Variants in USP54 observed in about 807,000 individuals in gnomAD.
USP54 encodes ubiquitin carboxyl-terminal hydrolase 54.
A neutral mutation model predicts 170.5 loss-of-function variants in USP54; 87 were observed. The ratio of observed to expected loss-of-function variants is 0.51; its 90% CI spans 0.43 to 0.61. USP54 has a LOEUF of 0.61. USP54 is among the 20% of genes least tolerant of loss of function. The pLI, the probability that USP54 is intolerant of heterozygous loss-of-function variation, is 0.00. For missense variants in USP54, 1,786 were observed against 2,047.8 expected, an observed-to-expected ratio of 0.87 and a Z score of 2.47; for synonymous variants, 655 against 742.8, an observed-to-expected ratio of 0.88 and a Z score of 1.92.
At chr10:73,555,116 A>C (rs573152525) in intron 4 of USP54, among the ~76,000 whole-genome samples, 36 of 152,342 alleles carry the variant, frequency 2.4e-4, no homozygotes, top group African/African-American at 7.9e-4. Flanking sequence ...AAATAACTAA[A>C]TAAATAATAA....
chr10:73,508,268 G>A (rs1201929822), intron 20 of USP54, among the ~76,000 whole-genome samples: 1 of 151,884 alleles, frequency 6.6e-6, no homozygotes, highest in Admixed American at 6.6e-5. Flanking sequence ...TCAGCTGGGT[G>A]CGGTGGTGTG....
In USP54 at chr10:73,516,486, G is replaced by GC; in HGVS notation, c.3939dup (p.Gln1314AlafsTer35). ...AGAGACTCCAATTCTGAGGTCTCCT[G>GC]CTCTGTGTCTTGGTTCCAATGTGGA... is the stretch of plus-strand genomic sequence containing the variant. On this transcript the variant is annotated frameshift_variant, in exon 20 of 24. Coordinates refer to ENST00000687698, the MANE Select transcript of USP54 (RefSeq NM_001391956.1). LOFTEE classifies it high-confidence loss of function. 1.2e-6 allele frequency: 2 copies of GC among 1,614,176 alleles called. No homozygotes were observed. The highest frequency in any genetic ancestry group is 1.7e-6 in the Non-Finnish European group (2 of 1,180,036).
intron 4 of USP54, among the ~76,000 whole-genome samples, chr10:73,557,326 T>A (rs1445745462): frequency 7.4e-6 from 1 of 134,582 alleles, no homozygotes; most frequent in Non-Finnish European, 1.7e-5. Context: ...ACTTCTTCAA[T>A]TTTTTTTTTT....
chr10:73,609,955 A>C (rs1281441079), intron 1 of USP54, among the ~76,000 whole-genome samples: 1 of 151,536 alleles, frequency 6.6e-6, no homozygotes, highest in Non-Finnish European at 1.5e-5. Context: ...GGTTGCAGTG[A>C]GCCAAAATCA....
chr10:73,615,639 AG>A (rs1268455365), intron 1 of USP54, among the ~76,000 whole-genome samples: 1 of 150,344 alleles, frequency 6.7e-6, no homozygotes, highest in East Asian at 1.9e-4. Flanking sequence ...TTAAAAATAA[AG>A]CTGGGCATAG....
chr10:73,552,466 T>TACAC lies in USP54; in HGVS notation c.241-6798_241-6795dup, dbSNP rs374761038. On this transcript the variant is annotated intron_variant, in intron 4 of 23. Transcript: ENST00000687698. ...CAGGGTTATTTGAGGATTAAATGAG[T>TACAC]ACACACACACACACACACACATATA... Among the ~76,000 whole-genome samples the TACAC allele has an allele frequency of 3.5e-3, 515 of 146,608 alleles. 3 individuals are homozygous for TACAC. Among genetic ancestry groups the TACAC allele is most frequent in the African/African-American group, 0.011 (438 of 40,006 alleles).
At chr10:73,578,340 T>C (rs965266780) in intron 1 of USP54, among the ~76,000 whole-genome samples, 3 of 152,336 alleles carry the variant, frequency 2.0e-5, no homozygotes, top group East Asian at 3.9e-4. Context: ...ACTGAAGATA[T>C]GTGAGGAGGG....
At chr10:73,566,190 A>T (rs967514559) in intron 4 of USP54, among the ~76,000 whole-genome samples, 1 of 152,138 alleles carries the variant, frequency 6.6e-6, no homozygotes, top group African/African-American at 2.4e-5. Flanking sequence ...AGATCGCACC[A>T]TTGCACTCCA....
At chr10:73,589,582 A>G (rs765580667) in intron 1 of USP54, among the ~76,000 whole-genome samples, 2 of 152,228 alleles carry the variant, frequency 1.3e-5, no homozygotes, top group Non-Finnish European at 2.9e-5. Flanking sequence ...CCATCAATGC[A>G]TTATTTATTA....
At position 73,575,669 on chromosome 10, in the gene USP54, AT is replaced by A; in HGVS notation, c.-12del. On this transcript the variant is annotated 5_prime_UTR_variant, in exon 3 of 24. It adds an upstream start codon to the 5' untranslated region. Coordinates refer to ENST00000687698, the MANE Select transcript of USP54 (RefSeq NM_001391956.1). ...TCTCTTCCAAGACATTATTGTTCAC[AT>A]TTAGCCTGAAAAAAAAATGGAGAAG... The A allele has an allele frequency of 6.4e-7, 1 of 1,564,704 alleles. No homozygotes were observed. The highest frequency in any genetic ancestry group is 8.7e-7 in the Non-Finnish European group (1 of 1,153,324).
chr10:73,548,356 T>C (rs2068356454), intron 4 of USP54, among the ~76,000 whole-genome samples: 1 of 152,158 alleles, frequency 6.6e-6, no homozygotes, highest in Non-Finnish European at 1.5e-5. Context: ...GAAATACCAT[T>C]TGACCCAGCA....
chr10:73,503,433 C>G (rs2058520887), intron 22 of USP54, among the ~76,000 whole-genome samples: 1 of 152,208 alleles, frequency 6.6e-6, no homozygotes, highest in African/African-American at 2.4e-5. Flanking sequence ...ATACCTAGAA[C>G]ACACTCAATA....
chr10:73,558,131 C>T (rs1461782576), intron 4 of USP54, among the ~76,000 whole-genome samples: 5 of 152,024 alleles, frequency 3.3e-5, no homozygotes, highest in Non-Finnish European at 7.4e-5. Flanking sequence ...CCGCCCACTT[C>T]GGCCCCACAA....
At chr10:73,519,140 C>CAAAAAAA (rs769300590) in intron 19 of USP54, 3 of 67,598 alleles carry the variant, frequency 4.4e-5, no homozygotes, top group Non-Finnish European at 7.0e-5. Context: ...ATCCTGTCTC[C>CAAAAAAA]AAAAAAAAAA....
In USP54 at chr10:73,624,183, TATATATATATA is replaced by T. The variant is rs1318462960; in HGVS notation, c.-18+1373_-18+1383del. Among the ~76,000 whole-genome samples the T allele has an allele frequency of 2.5e-5, 3 of 119,100 alleles. No individual in the cohort carries two copies. The South Asian group carries it at 1.1e-3, about 42-fold the overall frequency. The allele number at this position is 119,100 out of a possible 152,430, so 78.1% of individuals were successfully genotyped here. Reference sequence around the variant, plus strand: ...CCATATATATATATATATATATATATATATATATATATGTATTTTTTTTTTTTTTTTTGAGA... The same window carrying T: ...CCATATATATATATATATATATATATTGTATTTTTTTTTTTTTTTTTGAGA... On this transcript the variant is annotated intron_variant, in intron 1 of 22. Transcript: ENST00000339859.
intron 12 of USP54, among the ~76,000 whole-genome samples, chr10:73,531,765 A>G (rs1590087001): frequency 6.6e-6 from 1 of 152,236 alleles, no homozygotes; most frequent in African/African-American, 2.4e-5. Context: ...AATACTAATC[A>G]CTGGGAAAAC....
intron 15 of USP54, chr10:73,529,201 G>T (rs2133387467): frequency 6.3e-6 from 1 of 159,500 alleles, no homozygotes; most frequent in Non-Finnish European, 1.4e-5. Flanking sequence ...GACAGGAACA[G>T]AAAACCAAAT....
chr10:73,596,979 A>G (rs2078787771), intron 1 of USP54, among the ~76,000 whole-genome samples: 1 of 152,220 alleles, frequency 6.6e-6, no homozygotes, highest in Admixed American at 6.5e-5. Flanking sequence ...GAAGAAGGAA[A>G]GGAAATTCAT....
At chr10:73,547,968 T>C (rs1488977540) in intron 4 of USP54, among the ~76,000 whole-genome samples, 1 of 152,142 alleles carries the variant, frequency 6.6e-6, no homozygotes, top group East Asian at 1.9e-4. Flanking sequence ...TAGAACATTT[T>C]TGCAATCTAT....
Sources: allele counts gnomAD v4.1 joint callset (sites outside exome capture counted in the v4.1 genomes callset), GRCh38; gene constraint gnomAD v4.1.1; transcripts MANE v1.5; gene names NCBI Gene and HGNC (gene_info 2026-07-23, HGNC 2026-07-21).